The following HS3ST4 variants were observed in gnomAD, a reference collection of about 807,000 sequenced individuals.
HS3ST4 encodes the protein heparan sulfate-glucosamine 3-sulfotransferase 4.
In HS3ST4, 17 loss-of-function variants were observed where a neutral mutation model predicts 29.2. The observed-to-expected ratio is 0.58, with a 90% confidence interval of 0.40 to 0.87. The LOEUF (loss-of-function observed/expected upper bound fraction) is 0.87, where lower values mean the gene tolerates loss of function less well. HS3ST4 is among the 40% of genes least tolerant of loss of function. HS3ST4 has a pLI of 0.00. For missense variants in HS3ST4, 627 were observed against 634.5 expected (o/e 0.99, Z 0.13); for synonymous variants, 314 against 285.7 (o/e 1.10, Z -1.00).
chr16:25,811,301 C>A lies in HS3ST4; in HGVS notation c.734+118150C>A, dbSNP rs540467159. ...CCCTCCTCTTCTCCTTCCTCCTCTT[C>A]CTCAGCCTACTCAACATGAAGAAGA... On this transcript the variant is annotated intron_variant, in intron 1 of 1. Transcript: ENST00000331351. Among the ~76,000 whole-genome samples, 110 of 152,192 alleles carry A rather than the reference C, an allele frequency of 7.2e-4. 1 individual carries two copies. Among genetic ancestry groups the A allele is most frequent in the African/African-American group, 2.6e-3 (106 of 41,530 alleles).
At chr16:25,890,012 CTCTT>C (rs1436710691) in intron 1 of HS3ST4, among the ~76,000 whole-genome samples, 1 of 152,168 alleles carries the variant, frequency 6.6e-6, no homozygotes, top group Non-Finnish European at 1.5e-5. Flanking sequence ...TCCATTCAAC[CTCTT>C]TCTTTTATAA....
chr16:26,060,301 G>A (rs1234416249), intron 1 of HS3ST4, among the ~76,000 whole-genome samples: 1 of 152,072 alleles, frequency 6.6e-6, no homozygotes, highest in Non-Finnish European at 1.5e-5. Context: ...GAGTCTTTGG[G>A]GTGTCCACGG....
intron 1 of HS3ST4, among the ~76,000 whole-genome samples, chr16:26,100,593 T>C (rs1206804330): frequency 6.6e-6 from 1 of 152,172 alleles, no homozygotes; most frequent in Non-Finnish European, 1.5e-5. Flanking sequence ...CATTTATACC[T>C]GGACACCTGC....
At chr16:26,083,025 A>G (rs1052553746) in intron 1 of HS3ST4, among the ~76,000 whole-genome samples, 29 of 152,344 alleles carry the variant, frequency 1.9e-4, no homozygotes, top group African/African-American at 5.8e-4. Flanking sequence ...AAAATGCTCA[A>G]TGAGTGGAAG....
At position 26,125,548 on chromosome 16, in the gene HS3ST4, G is replaced by A. The variant is rs77778199; in HGVS notation, c.735-10064G>A. Among the ~76,000 whole-genome samples the A allele has an allele frequency of 3.3e-3, 502 of 152,348 alleles. 3 individuals carry two copies. Among genetic ancestry groups the A allele is most frequent in the Non-Finnish European group, 6.3e-3 (426 of 68,026 alleles). On this transcript the variant is annotated intron_variant, in intron 1 of 1. Coordinates refer to ENST00000331351, the MANE Select transcript of HS3ST4 (RefSeq NM_006040.3). ...GACCAGTACTGGTCTGCAGCCCAGC[G>A]GTTGGGGACCCCTGCTTTAGTAGAA...
At chr16:26,048,525 A>G (rs143182542) in intron 1 of HS3ST4, among the ~76,000 whole-genome samples, 68 of 152,330 alleles carry the variant, frequency 4.5e-4, no homozygotes, top group African/African-American at 1.6e-3. Context: ...ATTCAACAAC[A>G]TTGAATCCTG....
At chr16:25,853,856 G>C (rs1347108078) in intron 1 of HS3ST4, among the ~76,000 whole-genome samples, 1 of 152,026 alleles carries the variant, frequency 6.6e-6, no homozygotes, top group African/African-American at 2.4e-5. Context: ...TATCAGGGTG[G>C]TGCTAGTCTT....
chr16:25,955,907 T>C (rs944518080), intron 1 of HS3ST4, among the ~76,000 whole-genome samples: 13 of 151,576 alleles, frequency 8.6e-5, no homozygotes, highest in Non-Finnish European at 1.5e-4. Context: ...CTCCACCTCC[T>C]GGGTTCAAGC....
chr16:26,078,286 G>A (rs951497533), intron 1 of HS3ST4, among the ~76,000 whole-genome samples: 4 of 151,974 alleles, frequency 2.6e-5, no homozygotes, highest in Admixed American at 1.3e-4. Context: ...GACTACAGGC[G>A]CCCACGACCA....
At chr16:25,727,809 G>A (rs1966546842) in intron 1 of HS3ST4, among the ~76,000 whole-genome samples, 1 of 152,068 alleles carries the variant, frequency 6.6e-6, no homozygotes, top group Non-Finnish European at 1.5e-5. Flanking sequence ...TGATCATTCA[G>A]GTGTTTTATG....
At chr16:25,883,943 C>T (rs778958449) in intron 1 of HS3ST4, among the ~76,000 whole-genome samples, 8 of 151,840 alleles carry the variant, frequency 5.3e-5, no homozygotes, top group Admixed American at 2.0e-4. Context: ...GGTGAAACCC[C>T]GTCTACTAAA....
intron 1 of HS3ST4, among the ~76,000 whole-genome samples, chr16:25,772,597 C>T (rs1966843924): frequency 6.6e-6 from 1 of 152,114 alleles, no homozygotes; most frequent in Non-Finnish European, 1.5e-5. Flanking sequence ...TTCTTATGGG[C>T]TTTTATTCAG....
intron 1 of HS3ST4, among the ~76,000 whole-genome samples, chr16:25,868,075 A>G (rs897734916): frequency 6.6e-6 from 1 of 152,114 alleles, no homozygotes; most frequent in Non-Finnish European, 1.5e-5. Flanking sequence ...CCCTAGGATA[A>G]TGCACGTCAG....
At chr16:25,948,054 A>G (rs1215726238) in intron 1 of HS3ST4, among the ~76,000 whole-genome samples, 1 of 152,206 alleles carries the variant, frequency 6.6e-6, no homozygotes, top group Non-Finnish European at 1.5e-5. Context: ...ATTTAAACCC[A>G]GACATATTTT....
chr16:25,924,793 G>A (rs1968386757), intron 1 of HS3ST4, among the ~76,000 whole-genome samples: 1 of 152,152 alleles, frequency 6.6e-6, no homozygotes, highest in South Asian at 2.1e-4. Context: ...CTGTGTTGGT[G>A]TCTGGACTGA....
intron 1 of HS3ST4, among the ~76,000 whole-genome samples, chr16:25,914,527 A>C (rs1322602164): frequency 6.7e-6 from 1 of 148,652 alleles, no homozygotes; most frequent in Non-Finnish European, 1.5e-5. Flanking sequence ...TGCGGTGTGC[A>C]TGTATATGTG....
At position 26,048,356 on chromosome 16, in the gene HS3ST4, T is replaced by C. The variant is rs559555824; in HGVS notation, c.735-87256T>C. Among the ~76,000 whole-genome samples, 224 of 152,328 alleles carry C rather than the reference T, an allele frequency of 1.5e-3. 1 individual carries two copies. Among genetic ancestry groups the C allele is most frequent in the Middle Eastern group, 6.8e-3 (2 of 294 alleles). The stretch of plus-strand genomic sequence containing the variant: ...GTCCAAGTGGCAACATGAGAAAGGA[T>C]AGATTGTCGACCATATAGCACAACT... On this transcript the variant is annotated intron_variant, in intron 1 of 1. Coordinates refer to ENST00000331351, the MANE Select transcript of HS3ST4 (RefSeq NM_006040.3).
At chr16:26,088,954 C>T (rs1156567555) in intron 1 of HS3ST4, among the ~76,000 whole-genome samples, 1 of 152,194 alleles carries the variant, frequency 6.6e-6, no homozygotes, top group East Asian at 1.9e-4. Flanking sequence ...TCAAATTCTG[C>T]AAAATCCATC....
intron 1 of HS3ST4, among the ~76,000 whole-genome samples, chr16:25,806,219 A>T (rs1482765470): frequency 6.6e-6 from 1 of 152,166 alleles, no homozygotes; most frequent in South Asian, 2.1e-4. Context: ...CTCTCAGAGT[A>T]TTGGTAAGTA....
Sources: allele counts gnomAD v4.1 joint callset (sites outside exome capture counted in the v4.1 genomes callset), GRCh38; gene constraint gnomAD v4.1.1; transcripts MANE v1.5; gene names NCBI Gene and HGNC (gene_info 2026-07-23, HGNC 2026-07-21).